The following COL4A1 variants were observed in gnomAD, a reference collection of about 807,000 sequenced individuals.
COL4A1 encodes collagen type IV alpha 1 chain.
COL4A1 carries 40 observed loss-of-function variants against 216.6 expected under a neutral mutation model. The ratio of observed to expected loss-of-function variants is 0.18; its 90% CI spans 0.14 to 0.24. COL4A1 has a LOEUF of 0.24. COL4A1 is among the 10% of genes least tolerant of loss of function. COL4A1 has a pLI of 1.00. For synonymous variants in COL4A1, 839 were observed against 810.7 expected (o/e 1.03, Z -0.59); for missense variants, 1,628 against 2,196.8 (o/e 0.74, Z 5.18).
chr13:110,265,297 A>G (rs1882985735), intron 1 of COL4A1: 1 of 152,238 alleles, frequency 6.6e-6, no homozygotes, highest in African/African-American at 2.4e-5. Flanking sequence ...TCCTAATTCT[A>G]CGAAGGCAAT....
At chr13:110,176,535 T>C in intron 35 of COL4A1, 22 bp from the exon 36 acceptor site, 3 of 1,602,972 alleles carry the variant, frequency 1.9e-6, no homozygotes, top group South Asian at 2.2e-5. Context: ...AAGAAAGCAG[T>C]CTGACAGGTT....
Position 110,258,199 on chromosome 13 carries a change from GAGC to G in COL4A1, c.85-15468_85-15466del, listed in dbSNP as rs201189913. Among the ~76,000 whole-genome samples the G allele has an allele frequency of 5.2e-3, 796 of 152,340 alleles. 4 individuals carry two copies. The highest frequency in any genetic ancestry group is 0.02 in the Middle Eastern group (6 of 294). On this transcript the variant is annotated intron_variant, in intron 1 of 51. Transcript: ENST00000375820. ...CTACCACATACTGTGAAGCTTAAAT[GAGC>G]AGAAGTCACGTGGAGCCAAAGTGAA...
chr13:110,300,596 A>C (rs1241197664), intron 1 of COL4A1, among the ~76,000 whole-genome samples: 1 of 152,220 alleles, frequency 6.6e-6, no homozygotes, highest in Non-Finnish European at 1.5e-5. Context: ...TGAATACACA[A>C]ATGGCTTCCC....
intron 45 of COL4A1, 46 bp downstream of exon 45, chr13:110,166,186 T>C (rs192243536): frequency 1.7e-6 from 2 of 1,181,866 alleles, no homozygotes; most frequent in East Asian, 2.3e-5. Flanking sequence ...TTTTACATTT[T>C]CACAAAGCAC....
intron 2 of COL4A1, among the ~76,000 whole-genome samples, chr13:110,216,169 T>G (rs950361630): frequency 2.6e-5 from 4 of 152,210 alleles, no homozygotes; most frequent in Admixed American, 2.0e-4. Context: ...TCCCAAGGTT[T>G]GACAGGGAAG....
chr13:110,230,443 G>A (rs1420409692), intron 2 of COL4A1, among the ~76,000 whole-genome samples: 1 of 152,140 alleles, frequency 6.6e-6, no homozygotes, highest in African/African-American at 2.4e-5. Context: ...GTGTACATGA[G>A]CCCTGAACAG....
intron 2 of COL4A1, among the ~76,000 whole-genome samples, chr13:110,219,852 ATATGTATATATGTG>A (rs1462826721): frequency 4.5e-5 from 4 of 89,250 alleles, no homozygotes; most frequent in African/African-American, 1.4e-4. Context: ...ATGTGTATAT[ATATGTATATATGTG>A]TGTGTATATA....
rs1884754271 is a variant in COL4A1, at chr13:110,306,933, C to T, written c.84+11G>A. ...GCGGGACGCCGGGAGCGGAGCTGGC[C>T]GGGAACTCACCTTCGCAGCGGCCCG... On this transcript the variant is annotated intron_variant, in intron 1 of 51. Transcript: ENST00000375820. The T allele has an allele frequency of 4.8e-6, 7 of 1,467,860 alleles. No individual in the cohort carries two copies. Among genetic ancestry groups the T allele is most frequent in the Non-Finnish European group, 6.3e-6 (7 of 1,113,962 alleles). The allele number at this position is 1,467,860 out of a possible 1,614,324, so 90.9% of individuals were successfully genotyped here.
At chr13:110,180,759 T>A (rs1054856998) in intron 29 of COL4A1, among the ~76,000 whole-genome samples, 1 of 152,198 alleles carries the variant, frequency 6.6e-6, no homozygotes, top group African/African-American at 2.4e-5. Flanking sequence ...CTAGTGACAT[T>A]TGCCAATGTC....
intron 34 of COL4A1, 70 bp from the exon 35 acceptor site, chr13:110,176,794 T>C (rs1877909194): frequency 3.1e-6 from 5 of 1,613,680 alleles, no homozygotes; most frequent in Non-Finnish European, 4.2e-6. Flanking sequence ...GAAACGCAGG[T>C]TGGTTTGGTT....
intron 1 of COL4A1, among the ~76,000 whole-genome samples, chr13:110,266,866 T>A (rs931778158): frequency 6.6e-6 from 1 of 152,214 alleles, no homozygotes. Context: ...GACTCTCAAG[T>A]GGAAAGCATG....
chr13:110,225,840 C>G (rs1160614157), intron 2 of COL4A1, among the ~76,000 whole-genome samples: 1 of 152,132 alleles, frequency 6.6e-6, no homozygotes, highest in African/African-American at 2.4e-5. Context: ...CAGCGCCAAC[C>G]CCTGGGACGC....
chr13:110,209,518 G>T, intron 10 of COL4A1, 91 bp from the exon 11 acceptor site: 2 of 927,510 alleles, frequency 2.2e-6, no homozygotes, highest in Non-Finnish European at 3.4e-6. Flanking sequence ...AAGATTCTCT[G>T]GTCAACATGA....
At chr13:110,296,501 GA>G (rs1428411425) in intron 1 of COL4A1, among the ~76,000 whole-genome samples, 47 of 152,196 alleles carry the variant, frequency 3.1e-4, no homozygotes, top group Non-Finnish European at 1.5e-5. Context: ...AACATTTTAT[GA>G]ATGCTCATCT....
intron 1 of COL4A1, among the ~76,000 whole-genome samples, chr13:110,287,625 A>G (rs1399031975): frequency 6.6e-6 from 1 of 152,256 alleles, no homozygotes; most frequent in African/African-American, 2.4e-5. Flanking sequence ...TGTGAGACCC[A>G]GAAAGAAGCC....
rs149552755 is a variant in COL4A1, at chr13:110,172,530, T to C, written c.3556+190A>G. 3.1e-3 allele frequency among the ~76,000 whole-genome samples: 475 copies of C among 152,364 alleles called. 2 individuals are homozygous for C. The highest frequency in any genetic ancestry group is 0.02 in the South Asian group (96 of 4,828). On this transcript the variant is annotated intron_variant, in intron 41 of 51. Transcript: ENST00000375820. ...GATCATGAGTGTACTGCACGCCATT[T>C]TGATCCATTAATTAGAAGGGAACCA...
chr13:110,152,317 G>T lies in COL4A1; in HGVS notation c.4928+17C>A. On this transcript the variant is annotated intron_variant, in intron 51 of 51. Transcript: ENST00000375820. ...AAAGGGGCCAGCAGCCTGCAAAAAA[G>T]CAGTGCTCCCACTTACTTGAACATC... 1 of 1,613,910 alleles carries T rather than the reference G, an allele frequency of 6.2e-7. No homozygotes were observed.
intron 1 of COL4A1, among the ~76,000 whole-genome samples, chr13:110,275,956 A>T (rs1361103669): frequency 2.0e-5 from 3 of 152,148 alleles, no homozygotes; most frequent in Non-Finnish European, 4.4e-5. Flanking sequence ...GTGGGCAGTA[A>T]AACAACTCTA....
At chr13:110,251,155 C>T (rs1020826432) in intron 1 of COL4A1, among the ~76,000 whole-genome samples, 2 of 152,344 alleles carry the variant, frequency 1.3e-5, no homozygotes, top group East Asian at 1.9e-4. Flanking sequence ...GAGAACTGTG[C>T]GGCTCCCGGC....
Sources: allele counts gnomAD v4.1 joint callset (sites outside exome capture counted in the v4.1 genomes callset), GRCh38; gene constraint gnomAD v4.1.1; transcripts MANE v1.5; gene names NCBI Gene and HGNC (gene_info 2026-07-23, HGNC 2026-07-21).